The following PDE8A variants were observed in gnomAD, a reference collection of about 807,000 sequenced individuals.
The protein encoded by PDE8A is phosphodiesterase 8A, also known as high affinity cAMP-specific and IBMX-insensitive 3',5'-cyclic phosphodiesterase 8A.
Under a neutral mutation model 105.0 loss-of-function variants are expected in PDE8A, and 59 were observed. The observed-to-expected ratio is 0.56, with a 90% CI of 0.46 to 0.70. The LOEUF is 0.70. PDE8A is among the 30% of genes least tolerant of loss of function. The probability of loss-of-function intolerance (pLI) is 0.00; values close to 1 mark genes in which losing one functional copy is unlikely to be tolerated. For missense variants in PDE8A, 1,014 were observed against 1,045.9 expected, an observed-to-expected ratio of 0.97 and a Z score of 0.42; for synonymous variants, 355 against 371.9, an observed-to-expected ratio of 0.95 and a Z score of 0.52.
intron 1 of PDE8A, among the ~76,000 whole-genome samples, chr15:84,985,568 C>T (rs187267921): frequency 6.6e-6 from 1 of 152,284 alleles, no homozygotes; most frequent in Admixed American, 6.5e-5. Flanking sequence ...ATGCTCACCC[C>T]CTATCTTCCT....
rs1356276411 is a variant in PDE8A, at chr15:85,038,214, GGGGTGTGTGTGTGTGTGT to G, written c.187-26154_187-26137del. On this transcript the variant is annotated intron_variant, in intron 1 of 21. Coordinates refer to ENST00000394553, the MANE Select transcript of PDE8A (RefSeq NM_002605.3). Reference sequence around the variant, plus strand: ...ACTCTGCAAGGCTCTCTCCAATTGGGGGGTGTGTGTGTGTGTGTGTGTGTGTGTGTGTGTGTGTGTTTT... The same window carrying G: ...ACTCTGCAAGGCTCTCTCCAATTGGGGTGTGTGTGTGTGTGTGTGTGTTTT... 9.5e-4 allele frequency among the ~76,000 whole-genome samples: 137 copies of G among 144,260 alleles called. 1 individual carries two copies. In the South Asian group the frequency reaches 0.015, roughly 16 times the overall value. 94.6% of individuals were successfully genotyped at this position (144,260 alleles called of 152,430 possible).
In PDE8A at chr15:85,121,011, A is replaced by G. The variant is rs1039935765; in HGVS notation, c.1949A>G (p.Glu650Gly). The change falls in exon 18 of 22, where the codon GAG becomes GGG. Residue 650 changes from glutamate (E) to glycine (G), a missense_variant. Coordinates refer to ENST00000394553, the MANE Select transcript of PDE8A (RefSeq NM_002605.3). Reference protein sequence around the residue: ...DDKCNIFKNMERNDYRTLRQG... With the variant: ...DDKCNIFKNMGRNDYRTLRQG... ...AAATGCAATATATTTAAAAACATGG[A>G]GAGGTAAGAACAATGATTGGGAAGT... 1.9e-6 allele frequency: 3 copies of G among 1,594,304 alleles called. No individual in the cohort carries two copies. In the African/African-American group the frequency reaches 4.0e-5, roughly 21 times the overall value.
At chr15:84,987,505 C>G (rs957487438) in intron 1 of PDE8A, among the ~76,000 whole-genome samples, 2 of 78,862 alleles carry the variant, frequency 2.5e-5, no homozygotes, top group African/African-American at 6.2e-5. Flanking sequence ...GTTTTTTGCT[C>G]TTGTTGCCCA....
intron 17 of PDE8A, among the ~76,000 whole-genome samples, chr15:85,119,101 C>A (rs1312243359): frequency 6.6e-6 from 1 of 151,980 alleles, no homozygotes; most frequent in Non-Finnish European, 1.5e-5. Context: ...TATAAAGAAC[C>A]CAATTTTTGC....
chr15:85,106,492 A>G (rs544600741), intron 11 of PDE8A, among the ~76,000 whole-genome samples: 1 of 152,252 alleles, frequency 6.6e-6, no homozygotes, highest in African/African-American at 2.4e-5. Flanking sequence ...AGAGAGAAGA[A>G]TGAAGGAACA....
intron 1 of PDE8A, among the ~76,000 whole-genome samples, chr15:85,005,459 C>T (rs2080131344): frequency 6.6e-6 from 1 of 152,094 alleles, no homozygotes; most frequent in Admixed American, 6.5e-5. Flanking sequence ...ATATTCCAGG[C>T]CATTTTAGAA....
intron 1 of PDE8A, among the ~76,000 whole-genome samples, chr15:85,019,851 A>G (rs1193861370): frequency 6.6e-6 from 1 of 151,280 alleles, no homozygotes; most frequent in Admixed American, 6.6e-5. Flanking sequence ...AAGTGCTGGA[A>G]TTACAGGCAT....
intron 3 of PDE8A, 63 bp from the exon 4 acceptor site, chr15:85,075,799 A>T: frequency 1.2e-6 from 1 of 856,890 alleles, no homozygotes; most frequent in Non-Finnish European, 1.9e-6. Flanking sequence ...GTAATTGTTT[A>T]AGTATATTTG....
chr15:85,053,975 A>G (rs2081017437), intron 1 of PDE8A, among the ~76,000 whole-genome samples: 1 of 152,216 alleles, frequency 6.6e-6, no homozygotes, highest in African/African-American at 2.4e-5. Context: ...AGCCCTTATT[A>G]TTTTGAGATA....
intron 1 of PDE8A, among the ~76,000 whole-genome samples, chr15:85,007,524 T>C (rs993997049): frequency 6.6e-6 from 1 of 151,788 alleles, no homozygotes; most frequent in Non-Finnish European, 1.5e-5. Context: ...ACTTTCTGTG[T>C]ATGTTCAATA....
At chr15:85,060,314 G>C (rs866052746) in intron 1 of PDE8A, among the ~76,000 whole-genome samples, 12 of 152,184 alleles carry the variant, frequency 7.9e-5, no homozygotes, top group Middle Eastern at 3.4e-3. Flanking sequence ...CTCCTATACT[G>C]CTTTATTCCC....
At chr15:84,997,723 A>G (rs994578832) in intron 1 of PDE8A, among the ~76,000 whole-genome samples, 1 of 151,152 alleles carries the variant, frequency 6.6e-6, no homozygotes, top group African/African-American at 2.4e-5. Flanking sequence ...CTTCCGAGTA[A>G]CTGGGATTAC....
chr15:85,096,403 A>G (rs1013835060), intron 8 of PDE8A, among the ~76,000 whole-genome samples: 5 of 152,110 alleles, frequency 3.3e-5, no homozygotes, highest in Admixed American at 2.6e-4. Flanking sequence ...AGGCTGCAAC[A>G]AGCCATGGTT....
chr15:85,055,437 G>A (rs2081044917), intron 1 of PDE8A, among the ~76,000 whole-genome samples: 1 of 152,102 alleles, frequency 6.6e-6, no homozygotes, highest in African/African-American at 2.4e-5. Context: ...ATTATTGTGT[G>A]GGAGTCTAAG....
intron 20 of PDE8A, among the ~76,000 whole-genome samples, chr15:85,131,755 C>T (rs540893254): frequency 2.2e-4 from 33 of 152,182 alleles, no homozygotes; most frequent in African/African-American, 7.5e-4. Flanking sequence ...TAAAGGATTT[C>T]CTTTAGCATT....
intron 1 of PDE8A, among the ~76,000 whole-genome samples, chr15:85,004,833 C>T (rs889896343): frequency 3.5e-5 from 5 of 143,502 alleles, no homozygotes; most frequent in Non-Finnish European, 7.5e-5. Flanking sequence ...GGGATAATTA[C>T]ATTTTTTAAT....
chr15:85,092,943 A>T (rs1393729229), intron 8 of PDE8A, among the ~76,000 whole-genome samples: 8 of 146,246 alleles, frequency 5.5e-5, no homozygotes, highest in African/African-American at 1.8e-4. Flanking sequence ...TTTTCTTGAG[A>T]CAGGGTCTCA....
chr15:85,098,399 G>T (rs555322693), intron 9 of PDE8A, among the ~76,000 whole-genome samples: 24 of 152,186 alleles, frequency 1.6e-4, no homozygotes, highest in Admixed American at 3.3e-4. Context: ...TATTATTTCT[G>T]CAGAGACCTA....
intron 19 of PDE8A, among the ~76,000 whole-genome samples, chr15:85,124,731 G>A (rs772473023): frequency 1.1e-4 from 17 of 152,118 alleles, no homozygotes; most frequent in African/African-American, 3.9e-4. Context: ...AGAGGTGCCT[G>A]TACCAGCCTG....
Sources: gnomAD v4.1 joint callset for allele counts (sites outside exome capture counted in the v4.1 genomes callset) on GRCh38, gnomAD v4.1.1 for gene constraint, MANE v1.5 for transcripts, NCBI Gene and HGNC (gene_info 2026-07-23, HGNC 2026-07-21) for gene names.